The following ADAMTS14 variants were observed in gnomAD, a reference collection of about 807,000 sequenced individuals.
ADAMTS14 encodes ADAM metallopeptidase with thrombospondin type 1 motif 14.
In ADAMTS14, 100 loss-of-function variants were observed where a neutral mutation model predicts 128.6. That is an observed-to-expected ratio of 0.78 (90% confidence interval 0.66 to 0.92). The LOEUF is 0.92. Among genes scored for constraint, ADAMTS14 ranks in the 40% least tolerant of loss-of-function variants. The pLI, the probability that ADAMTS14 is intolerant of heterozygous loss-of-function variation, is 0.00. For missense variants in ADAMTS14, 1,562 were observed against 1,658.6 expected, an observed-to-expected ratio of 0.94 and a Z score of 1.01; for synonymous variants, 665 against 653.8, an observed-to-expected ratio of 1.02 and a Z score of -0.26.
At chr10:70,731,370 C>G (rs187355535) in intron 6 of ADAMTS14, among the ~76,000 whole-genome samples, 1 of 152,310 alleles carries the variant, frequency 6.6e-6, no homozygotes, top group East Asian at 1.9e-4. Flanking sequence ...TCCCACTCAG[C>G]CTCTTGCTAT....
rs1376476993 is a variant in ADAMTS14, at chr10:70,762,428, A to G, written c.*1575A>G. On this transcript the variant is annotated 3_prime_UTR_variant, in exon 22 of 22. Transcript: ENST00000373207. ...ATTTTATGTATTTATTAACATCGCCATTGGACCCCAAAAGGTTGTGTGTGT... is the reference window on the plus strand; with the variant it reads ...ATTTTATGTATTTATTAACATCGCCGTTGGACCCCAAAAGGTTGTGTGTGT... 6.6e-6 allele frequency: 1 copy of G among 152,278 alleles called. No individual in the cohort carries two copies. The highest frequency in any genetic ancestry group is 1.5e-5 in the Non-Finnish European group (1 of 68,102). The allele number at this position is 152,278 out of a possible 1,614,324, so 9.4% of individuals were successfully genotyped here. A position where few individuals can be genotyped will look rare whatever the true frequency, so the allele number is the denominator to read the frequency against.
intron 3 of ADAMTS14, among the ~76,000 whole-genome samples, chr10:70,705,993 CTG>C (rs1182477238): frequency 6.6e-6 from 1 of 152,242 alleles, no homozygotes; most frequent in African/African-American, 2.4e-5. Flanking sequence ...TAACTTTCAA[CTG>C]TATTTTCAAA....
intron 2 of ADAMTS14, among the ~76,000 whole-genome samples, chr10:70,682,301 A>C (rs900879315): frequency 6.6e-6 from 1 of 152,186 alleles, no homozygotes; most frequent in African/African-American, 2.4e-5. Context: ...CTGGTATTAT[A>C]AGAGGTTTGA....
chr10:70,696,373 T>C (rs1018069011), intron 2 of ADAMTS14, among the ~76,000 whole-genome samples: 5 of 140,886 alleles, frequency 3.5e-5, no homozygotes, highest in Admixed American at 7.0e-5. Context: ...GTGTTGGGGG[T>C]CTGAGCCATT....
Position 70,736,778 on chromosome 10 carries a change from G to T in ADAMTS14, c.1584G>T (p.Glu528Asp). Residue 528 changes from glutamate to aspartate, a missense_variant, in exon 10 of 22, where the codon GAG becomes GAT. Transcript: ENST00000373207. Reference sequence around the variant, plus strand: ...AGGGGCCCCCGCTGGATGGGACTGAGTGTGCACCCGGCAAGGTACCTGTGG... The same window carrying T: ...AGGGGCCCCCGCTGGATGGGACTGATTGTGCACCCGGCAAGGTACCTGTGG... ...TKKGPPLDGT[E>D]CAPGKWCFKG... is the part of the protein sequence containing the mutation. 1 of 1,613,758 alleles carries T rather than the reference G, an allele frequency of 6.2e-7. No individual in the cohort carries two copies. The highest frequency in any genetic ancestry group is 1.1e-5 in the South Asian group (1 of 91,038).
intron 2 of ADAMTS14, among the ~76,000 whole-genome samples, chr10:70,678,649 T>C (rs1286945054): frequency 1.3e-5 from 2 of 148,160 alleles, no homozygotes; most frequent in African/African-American, 5.0e-5. Context: ...GAAGAAGGGG[T>C]GTGGGGCAGG....
chr10:70,679,407 C>T (rs968437676), intron 2 of ADAMTS14, among the ~76,000 whole-genome samples: 8 of 152,290 alleles, frequency 5.3e-5, no homozygotes, highest in Middle Eastern at 3.4e-3. Context: ...AGTGACCTGA[C>T]GGGCCACTCT....
intron 21 of ADAMTS14, among the ~76,000 whole-genome samples, chr10:70,759,132 T>TG (rs147146770): frequency 2.4e-5 from 3 of 123,050 alleles, no homozygotes; most frequent in African/African-American, 3.0e-5. Flanking sequence ...AATCTTCTAC[T>TG]TCTCTGCTCC....
chr10:70,682,942 G>A (rs1052264974), intron 2 of ADAMTS14, among the ~76,000 whole-genome samples: 3 of 152,262 alleles, frequency 2.0e-5, no homozygotes, highest in South Asian at 2.1e-4. Context: ...TGGGCCTGCC[G>A]GACAACCGTC....
At chr10:70,730,280 G>C in intron 6 of ADAMTS14, 31 bp downstream of exon 6, 1 of 1,603,842 alleles carries the variant, frequency 6.2e-7, no homozygotes, top group East Asian at 2.2e-5. Flanking sequence ...GCCATGGCCA[G>C]GTGTGTGCAG....
At chr10:70,679,412 C>T (rs74141814) in intron 2 of ADAMTS14, among the ~76,000 whole-genome samples, 7,053 of 152,220 alleles carry the variant, frequency 0.046, 557 homozygotes, top group African/African-American at 0.16. Context: ...CCTGACGGGC[C>T]ACTCTTCAGA....
intron 19 of ADAMTS14, among the ~76,000 whole-genome samples, chr10:70,756,734 G>A (rs1452940982): frequency 6.6e-6 from 1 of 152,192 alleles, no homozygotes; most frequent in Non-Finnish European, 1.5e-5. Flanking sequence ...TGTTTCAGCA[G>A]CTGCTAGGTA....
chr10:70,756,319 T>C (rs774936397), intron 19 of ADAMTS14, among the ~76,000 whole-genome samples: 9 of 152,200 alleles, frequency 5.9e-5, no homozygotes, highest in Non-Finnish European at 1.2e-4. Context: ...GAACCAAAAA[T>C]CCACACACAA....
chr10:70,726,698 G>A (rs1190227989), intron 4 of ADAMTS14, among the ~76,000 whole-genome samples: 1 of 152,132 alleles, frequency 6.6e-6, no homozygotes, highest in Non-Finnish European at 1.5e-5. Context: ...GCAGATCCAT[G>A]ATCATCTCAG....
chr10:70,752,528 C>T lies in ADAMTS14; in HGVS notation c.2729+301C>T, dbSNP rs11591714. On this transcript the variant is annotated intron_variant, in intron 18 of 21. Coordinates refer to ENST00000373207, the MANE Select transcript of ADAMTS14 (RefSeq NM_080722.4). The stretch of plus-strand genomic sequence containing the variant: ...CATGCTCTTCTGAGCACAAGGATGA[C>T]CTTGGGATTATTTAGGGGAGAGACT... Among the ~76,000 whole-genome samples, 967 of 152,258 alleles carry T rather than the reference C, an allele frequency of 6.4e-3. 7 individuals carry two copies. The highest frequency in any genetic ancestry group is 0.011 in the Non-Finnish European group (753 of 68,002).
chr10:70,748,010 G>C (rs979381905), intron 15 of ADAMTS14, among the ~76,000 whole-genome samples: 1 of 152,158 alleles, frequency 6.6e-6, no homozygotes, highest in Non-Finnish European at 1.5e-5. Flanking sequence ...CTGGAATTGG[G>C]GACATGGGGT....
At chr10:70,741,754 A>G (rs2132707691) in intron 12 of ADAMTS14, among the ~76,000 whole-genome samples, 1 of 152,316 alleles carries the variant, frequency 6.6e-6, no homozygotes, top group East Asian at 1.9e-4. Flanking sequence ...ACTCCTGTAA[A>G]GAGTCTGAAT....
chr10:70,734,436 C>T (rs576958394), intron 8 of ADAMTS14, among the ~76,000 whole-genome samples: 81 of 152,228 alleles, frequency 5.3e-4, no homozygotes, highest in African/African-American at 1.9e-3. Flanking sequence ...CCTTTGAGCC[C>T]ACCTGGCCCC....
At chr10:70,701,133 GT>G (rs1285693958) in intron 2 of ADAMTS14, among the ~76,000 whole-genome samples, 1 of 152,210 alleles carries the variant, frequency 6.6e-6, no homozygotes, top group Non-Finnish European at 1.5e-5. Flanking sequence ...CAAAGAAAAG[GT>G]TGGCTGCTGC....
Sources: allele counts gnomAD v4.1 joint callset (sites outside exome capture counted in the v4.1 genomes callset), GRCh38; gene constraint gnomAD v4.1.1; transcripts MANE v1.5; gene names NCBI Gene and HGNC (gene_info 2026-07-23, HGNC 2026-07-21).